The following SYNE2 variants were observed in gnomAD, a reference collection of about 807,000 sequenced individuals.
The protein encoded by SYNE2 is nesprin-2.
Under a neutral mutation model 856.3 loss-of-function variants are expected in SYNE2, and 431 were observed. The observed-to-expected ratio is 0.50, with a 90% confidence interval of 0.47 to 0.55. The LOEUF is 0.55. Ranked by LOEUF, SYNE2 falls within the 20% of genes least tolerant of loss-of-function variation. The pLI is 0.00. For missense variants in SYNE2, 8,129 were observed against 8,023.2 expected, an observed-to-expected ratio of 1.01 and a Z score of -0.50; for synonymous variants, 2,923 against 2,872.3, an observed-to-expected ratio of 1.02 and a Z score of -0.56.
intron 64 of SYNE2, among the ~76,000 whole-genome samples, chr14:64,106,147 C>T (rs1313616187): frequency 7.3e-6 from 1 of 137,206 alleles, no homozygotes; most frequent in African/African-American, 2.7e-5. Context: ...CCCCCCCAAC[C>T]AACACACAAG....
At chr14:64,082,608 AATG>A (rs2097532836) in intron 57 of SYNE2, among the ~76,000 whole-genome samples, 2 of 152,080 alleles carry the variant, frequency 1.3e-5, no homozygotes, top group Non-Finnish European at 2.9e-5. Context: ...CAACAACCTG[AATG>A]ATCTTCAAAG....
intron 1 of SYNE2, among the ~76,000 whole-genome samples, chr14:63,771,575 A>T (rs945859280): frequency 3.9e-5 from 6 of 152,212 alleles, no homozygotes; most frequent in Non-Finnish European, 1.5e-5. Context: ...TGGAAACGTC[A>T]TAGAAGGATA....
At chr14:64,222,209 T>C (rs924178304) in intron 112 of SYNE2, among the ~76,000 whole-genome samples, 2 of 152,340 alleles carry the variant, frequency 1.3e-5, no homozygotes, top group East Asian at 3.9e-4. Flanking sequence ...TGTATGTGGT[T>C]TAAATATTTT....
At chr14:64,136,254 T>TC (rs2098087486) in intron 78 of SYNE2, among the ~76,000 whole-genome samples, 2 of 135,130 alleles carry the variant, frequency 1.5e-5, no homozygotes, top group Non-Finnish European at 3.0e-5. Flanking sequence ...AGCGCCACTG[T>TC]ACTCCAGCCT....
chr14:63,775,136 C>A (rs754171853), intron 1 of SYNE2, among the ~76,000 whole-genome samples: 15 of 151,988 alleles, frequency 9.9e-5, no homozygotes, highest in Non-Finnish European at 2.9e-5. Context: ...ACCACCATGC[C>A]CAGCTAATTT....
intron 49 of SYNE2, among the ~76,000 whole-genome samples, chr14:64,058,085 AT>A (rs1291320309): frequency 6.6e-6 from 1 of 151,966 alleles, no homozygotes; most frequent in Non-Finnish European, 1.5e-5. Flanking sequence ...CACTTTGTTG[AT>A]TATTTCCTTT....
At chr14:63,950,039 C>G (rs749094827) in intron 7 of SYNE2, 33 bp downstream of exon 7, 2 of 1,611,290 alleles carry the variant, frequency 1.2e-6, no homozygotes, top group East Asian at 4.5e-5. Context: ...AAGAGACACA[C>G]AGGGCAGCTG....
intron 89 of SYNE2, 117 bp downstream of exon 89, chr14:64,163,698 C>T (rs970021972): frequency 2.6e-6 from 3 of 1,139,358 alleles, no homozygotes; most frequent in African/African-American, 3.1e-5. Flanking sequence ...AAATTACAGA[C>T]TGAAGCTGCT....
intron 47 of SYNE2, among the ~76,000 whole-genome samples, chr14:64,050,781 G>C (rs1194040870): frequency 2.6e-5 from 4 of 152,108 alleles, no homozygotes; most frequent in Non-Finnish European, 5.9e-5. Context: ...CACTTTGGGA[G>C]GCTGAGGCAG....
chr14:64,126,786 C>T lies in SYNE2; in HGVS notation c.13896C>T (p.Leu4632=), dbSNP rs766703027. The T allele has an allele frequency of 2.5e-6, 4 of 1,612,484 alleles. No individual in the cohort carries two copies. Among genetic ancestry groups the T allele is most frequent in the Admixed American group, 1.7e-5 (1 of 60,028 alleles). Residue 4632 remains leucine (L), a synonymous_variant, in exon 73 of 116, where the codon CTC becomes CTT. Coordinates refer to ENST00000555002, the MANE Select transcript of SYNE2 (RefSeq NM_182914.3). ...GAAGCAAGTCCCTGAAAGCTGGCCTCGATTACAACCGCAGTTACCAGGTAT... is the reference window on the plus strand; with the variant it reads ...GAAGCAAGTCCCTGAAAGCTGGCCTTGATTACAACCGCAGTTACCAGGTAT... The part of the protein sequence containing the change: ...VCRSKSLKAG[L]DYNRSYQNEI...
chr14:64,029,304 T>C (rs1233927624), intron 43 of SYNE2, among the ~76,000 whole-genome samples: 1 of 152,212 alleles, frequency 6.6e-6, no homozygotes, highest in African/African-American at 2.4e-5. Flanking sequence ...GGGGTTAAGA[T>C]AGACCTGTTC....
At chr14:64,145,402 G>A (rs574991220) in intron 83 of SYNE2, among the ~76,000 whole-genome samples, 1 of 152,016 alleles carries the variant, frequency 6.6e-6, no homozygotes, top group East Asian at 2.0e-4. Flanking sequence ...CTGCTACTAG[G>A]GAGGCTGAGG....
intron 1 of SYNE2, among the ~76,000 whole-genome samples, chr14:63,827,443 A>G (rs909603729): frequency 6.6e-6 from 1 of 151,338 alleles, no homozygotes; most frequent in African/African-American, 2.4e-5. Flanking sequence ...TAACCAACAC[A>G]GAGAAACCCT....
chr14:63,794,745 A>G (rs887140891), intron 1 of SYNE2, among the ~76,000 whole-genome samples: 1 of 152,224 alleles, frequency 6.6e-6, no homozygotes, highest in East Asian at 1.9e-4. Flanking sequence ...GCTATGATCA[A>G]AGAGACAGCA....
At chr14:64,041,400 C>A (rs2097147172) in intron 45 of SYNE2, among the ~76,000 whole-genome samples, 1 of 152,064 alleles carries the variant, frequency 6.6e-6, no homozygotes, top group African/African-American at 2.4e-5. Flanking sequence ...AGACAATCTA[C>A]TGAAAGATAA....
Position 64,103,586 on chromosome 14 carries a change from C to T in SYNE2, c.12492+1544C>T, listed in dbSNP as rs1261871419. Among the ~76,000 whole-genome samples, 3 of 152,220 alleles carry T rather than the reference C, an allele frequency of 2.0e-5. No homozygotes were observed. The East Asian group carries it at 5.8e-4, about 29-fold the overall frequency. ...GCCTCCTGTCCAGGGCTGACCCCTC[C>T]CCCTGCTCTCAGGCCAACTCTTTCC... On this transcript the variant is annotated intron_variant, in intron 64 of 115. Transcript: ENST00000555002.
intron 2 of SYNE2, among the ~76,000 whole-genome samples, chr14:63,929,737 C>CTCTG (rs1473686131): frequency 6.6e-6 from 1 of 150,490 alleles, no homozygotes; most frequent in African/African-American, 2.5e-5. Context: ...CGCCGTTGCA[C>CTCTG]TCTGGCCTGG....
chr14:64,053,570 C>G lies in SYNE2; in HGVS notation c.9657C>G (p.Asn3219Lys). Residue 3219 changes from asparagine (N) to lysine (K), a missense_variant, in exon 48 of 116, where the codon AAC (asparagine) becomes AAG (lysine). By Grantham distance (94) the Asn-to-Lys change is moderately conservative (BLOSUM62 0). Transcript: ENST00000555002. ...VTAIEKQREE[N>K]SSEASDVETK... is the part of the protein sequence containing the mutation. ...CTATTGAGAAACAAAGAGAAGAAAA[C>G]TCTTCTGAAGCGAGTGATGTGGAGA... 1 of 1,614,136 alleles carries G rather than the reference C, an allele frequency of 6.2e-7. No homozygotes were observed. Among genetic ancestry groups the G allele is most frequent in the Non-Finnish European group, 8.5e-7 (1 of 1,180,004 alleles).
chr14:63,884,340 C>T (rs773853821), intron 1 of SYNE2, among the ~76,000 whole-genome samples: 11 of 152,150 alleles, frequency 7.2e-5, no homozygotes, highest in Non-Finnish European at 1.2e-4. Flanking sequence ...AGGAGTTACT[C>T]GTTGAGAGTG....
Sources: allele counts gnomAD v4.1 joint callset (sites outside exome capture counted in the v4.1 genomes callset), GRCh38; gene constraint gnomAD v4.1.1; transcripts MANE v1.5; gene names NCBI Gene and HGNC (gene_info 2026-07-23, HGNC 2026-07-21).